The following DDA1 variants were observed in gnomAD, a reference collection of about 807,000 sequenced individuals.
The protein encoded by DDA1 is DET1- and DDB1-associated protein 1.
DDA1 carries 3 observed loss-of-function variants against 18.6 expected under a neutral mutation model. The observed-to-expected ratio is 0.16, with a 90% confidence interval of 0.07 to 0.42. DDA1 has a LOEUF of 0.42. Among genes scored for constraint, DDA1 ranks in the 10% least tolerant of loss-of-function variants. DDA1 has a pLI of 0.99. For missense variants in DDA1, 105 were observed against 138.2 expected, an observed-to-expected ratio of 0.76 and a Z score of 1.20; for synonymous variants, 52 against 54.0, an observed-to-expected ratio of 0.96 and a Z score of 0.17.
chr19:17,322,063 G>A lies in DDA1; in HGVS notation c.*2407G>A, dbSNP rs1469252760. On this transcript the variant is annotated 3_prime_UTR_variant, in exon 5 of 5. Transcript: ENST00000359866. ...TCAGCTTCCAAGGCCAGGGGCCAGA[G>A]TGGGAGCAGGGGGCACTCCCGCCTT... 6.5e-6 allele frequency: 1 copy of A among 152,900 alleles called. No homozygotes were observed. The allele number at this position is 152,900 out of a possible 1,614,324, so 9.5% of individuals were successfully genotyped here.
chr19:17,315,400 A>G (rs1275300007), intron 3 of DDA1, among the ~76,000 whole-genome samples: 31 of 92,330 alleles, frequency 3.4e-4, no homozygotes, highest in East Asian at 2.7e-3. Context: ...CACACTATAT[A>G]TATACATACG....
At chr19:17,315,405 C>T (rs1193399369) in intron 3 of DDA1, among the ~76,000 whole-genome samples, 3 of 70,822 alleles carry the variant, frequency 4.2e-5, no homozygotes, top group Admixed American at 2.5e-4. Context: ...TATATATATA[C>T]ATACGTGTGT....
At chr19:17,311,342 A>T (rs1182770060) in intron 1 of DDA1, among the ~76,000 whole-genome samples, 7 of 151,692 alleles carry the variant, frequency 4.6e-5, no homozygotes. Flanking sequence ...TTTCTAGTAG[A>T]GACAGGTTTT....
intron 4 of DDA1, among the ~76,000 whole-genome samples, chr19:17,317,936 C>T (rs2074221634): frequency 1.3e-5 from 2 of 151,804 alleles, no homozygotes; most frequent in East Asian, 3.9e-4. Context: ...TGCCTCTGCA[C>T]ACGGGATATT....
Position 17,319,980 on chromosome 19 carries a change from C to A in DDA1, c.*324C>A. 1 of 274,554 alleles carries A rather than the reference C, an allele frequency of 3.6e-6. No homozygotes were observed. The highest frequency in any genetic ancestry group is 3.9e-5 in the South Asian group (1 of 25,374). The allele number at this position is 274,554 out of a possible 1,614,324, so 17.0% of individuals were successfully genotyped here. ...TTCCCCGATTCCTGCCCCCAGTTCT[C>A]CAGAGAACCAGAGTGTGTCTGTGAG... On this transcript the variant is annotated 3_prime_UTR_variant, in exon 5 of 5. Transcript: ENST00000359866.
rs576237320 is a variant in DDA1, at chr19:17,309,639, A to G, written c.-16A>G. The G allele has an allele frequency of 6.2e-7, 1 of 1,612,958 alleles. No homozygotes were observed. Among genetic ancestry groups the G allele is most frequent in the South Asian group, 1.1e-5 (1 of 90,980 alleles). On this transcript the variant is annotated 5_prime_UTR_variant, in exon 1 of 5. Coordinates refer to ENST00000359866, the MANE Select transcript of DDA1 (RefSeq NM_024050.6). ...GGCTGAGGCGGCGGCCGAGGCGGCGACGGAGGAAACAGAAGATGGTGAGGA... is the reference window on the plus strand; with the variant it reads ...GGCTGAGGCGGCGGCCGAGGCGGCGGCGGAGGAAACAGAAGATGGTGAGGA...
At chr19:17,310,057 GGGGCTTGGCACCGCGATATGCA>G in intron 1 of DDA1, 1 of 229,864 alleles carries the variant, frequency 4.4e-6, no homozygotes, top group East Asian at 8.2e-5. Context: ...GGCGGGGGAG[GGGGCTTGGCACCGCGATATGCA>G]GGGCTTTGTC....
Position 17,314,399 on chromosome 19 carries a change from C to G in DDA1, c.136+10C>G, listed in dbSNP as rs749652305. 47 of 1,614,108 alleles carry G rather than the reference C, an allele frequency of 2.9e-5. No individual in the cohort carries two copies. Among genetic ancestry groups the G allele is most frequent in the Non-Finnish European group, 3.7e-5 (44 of 1,180,028 alleles). Reference sequence around the variant, plus strand: ...TACCCGTCTGAACAGAGTAAGTGGCCGCTGTCAGTCTGTCCCATTCTGGCT... The same window carrying G: ...TACCCGTCTGAACAGAGTAAGTGGCGGCTGTCAGTCTGTCCCATTCTGGCT... On this transcript the variant is annotated intron_variant, in intron 3 of 4. Transcript: ENST00000359866. This position sits in a 1 kb window ranked among gnomAD's most constrained non-coding sequence, Gnocchi z 4.6.
rs2074234070 is a variant in DDA1, at chr19:17,320,306, T to G, written c.*650T>G. 1 of 152,290 alleles carries G rather than the reference T, an allele frequency of 6.6e-6. No homozygotes were observed. The highest frequency in any genetic ancestry group is 1.5e-5 in the Non-Finnish European group (1 of 68,076). The allele number at this position is 152,290 out of a possible 1,614,324, so 9.4% of individuals were successfully genotyped here. On this transcript the variant is annotated 3_prime_UTR_variant, in exon 5 of 5. Coordinates refer to ENST00000359866, the MANE Select transcript of DDA1 (RefSeq NM_024050.6). ...GTCTTTCCTACTTGACCTCGCGTCT[T>G]TGCTCCACACACCTTGGCTGCAGAG...
intron 1 of DDA1, among the ~76,000 whole-genome samples, chr19:17,309,939 G>T (rs942301805): frequency 1.3e-5 from 2 of 148,164 alleles, no homozygotes; most frequent in Non-Finnish European, 3.0e-5. Flanking sequence ...AAATCGTCTG[G>T]GGTGGGGATG....
chr19:17,323,291 CA>C lies in DDA1; in HGVS notation c.*3638del. The C allele has an allele frequency of 3.0e-6, 1 of 333,916 alleles. No homozygotes were observed. The highest frequency in any genetic ancestry group is 5.4e-6 in the Non-Finnish European group (1 of 186,456). 20.7% of individuals were successfully genotyped at this position (333,916 alleles called of 1,614,324 possible). ...AAAATATGACAAAATAAATTAAAAA[CA>C]AATAAATAATCGCCTGTTCTGTGTG... On this transcript the variant is annotated 3_prime_UTR_variant, in exon 5 of 5. Coordinates refer to ENST00000359866, the MANE Select transcript of DDA1 (RefSeq NM_024050.6).
intron 1 of DDA1, among the ~76,000 whole-genome samples, chr19:17,312,297 G>A (rs1487834838): frequency 1.3e-5 from 2 of 152,272 alleles, no homozygotes; most frequent in African/African-American, 4.8e-5. Flanking sequence ...GGAGGTACCA[G>A]TCCAGCCAGG....
chr19:17,319,880 A>G lies in DDA1; in HGVS notation c.*224A>G, dbSNP rs2074231591. On this transcript the variant is annotated 3_prime_UTR_variant, in exon 5 of 5. Transcript: ENST00000359866. ...GTTGGTTAAAGGGGACATCAGACCC[A>G]GTAGTGTGATGTTGGTAGATGCTTT... The G allele has an allele frequency of 1.9e-6, 1 of 522,892 alleles. No individual in the cohort carries two copies. The highest frequency in any genetic ancestry group is 3.5e-5 in the Admixed American group (1 of 28,200). 32.4% of individuals were successfully genotyped at this position (522,892 alleles called of 1,614,324 possible).
At chr19:17,316,057 G>A in intron 4 of DDA1, 62 bp downstream of exon 4, 1 of 1,566,680 alleles carries the variant, frequency 6.4e-7, no homozygotes, top group Non-Finnish European at 8.8e-7. Context: ...CACCTGGCAG[G>A]GGCTTCTGAG....
intron 4 of DDA1, among the ~76,000 whole-genome samples, chr19:17,318,543 T>C (rs2145677891): frequency 6.6e-6 from 1 of 152,244 alleles, no homozygotes; most frequent in South Asian, 2.1e-4. Flanking sequence ...ATTTTTGTAT[T>C]TTTAGTAGAG....
At position 17,319,757 on chromosome 19, in the gene DDA1, G is replaced by A; in HGVS notation, c.*101G>A. 1.0e-6 allele frequency: 1 copy of A among 986,894 alleles called. No homozygotes were observed. The highest frequency in any genetic ancestry group is 1.5e-6 in the Non-Finnish European group (1 of 656,336). The allele number at this position is 986,894 out of a possible 1,614,324, so 61.1% of individuals were successfully genotyped here. ...ACCCCGCCCGCCCGCCTCCCTGCCGGCCCATCCACACCCTGCGTCCACACC... is the reference window on the plus strand; with the variant it reads ...ACCCCGCCCGCCCGCCTCCCTGCCGACCCATCCACACCCTGCGTCCACACC... On this transcript the variant is annotated 3_prime_UTR_variant, in exon 5 of 5. Coordinates refer to ENST00000359866, the MANE Select transcript of DDA1 (RefSeq NM_024050.6).
chr19:17,314,773 G>A lies in DDA1; in HGVS notation c.136+384G>A, dbSNP rs182020443. The A allele has an allele frequency of 1.2e-4, 33 of 267,892 alleles. No homozygotes were observed. The highest frequency in any genetic ancestry group is 1.4e-3 in the Middle Eastern group (1 of 740). 16.6% of individuals were successfully genotyped at this position (267,892 alleles called of 1,614,324 possible). A position where few individuals can be genotyped will look rare whatever the true frequency, so the allele number is the denominator to read the frequency against. On this transcript the variant is annotated intron_variant, in intron 3 of 4. Coordinates refer to ENST00000359866, the MANE Select transcript of DDA1 (RefSeq NM_024050.6). The surrounding 1 kb of genome is among the most constrained non-coding windows in gnomAD (Gnocchi z 4.6). Reference sequence around the variant, plus strand: ...CCCTCCCTGTCAGATGAGGTCAAGCGAGAACTCTGGTTCTAAGACAAGTGC... The same window carrying A: ...CCCTCCCTGTCAGATGAGGTCAAGCAAGAACTCTGGTTCTAAGACAAGTGC...
chr19:17,316,027 G>C (rs753487549), intron 4 of DDA1, 32 bp downstream of exon 4: 1 of 1,612,188 alleles, frequency 6.2e-7, no homozygotes, highest in Admixed American at 1.7e-5. Context: ...TGCAGGGATT[G>C]TGGGTGGACA....
In DDA1 at chr19:17,314,635, C is replaced by A. The variant is rs991438913; in HGVS notation, c.136+246C>A. 1.2e-4 allele frequency: 65 copies of A among 548,580 alleles called. 1 individual carries two copies. In the Admixed American group the frequency reaches 1.3e-3, roughly 11 times the overall value. 34.0% of individuals were successfully genotyped at this position (548,580 alleles called of 1,614,324 possible). On this transcript the variant is annotated intron_variant, in intron 3 of 4. Transcript: ENST00000359866. This position sits in a 1 kb window ranked among gnomAD's most constrained non-coding sequence, Gnocchi z 4.6. The stretch of plus-strand genomic sequence containing the variant: ...CCTGTCCACTCCCAGCCCCTGGGGA[C>A]AGCCAGAAACCTGGCTTTCCCCAGG...
Sources: allele counts gnomAD v4.1 joint callset (sites outside exome capture counted in the v4.1 genomes callset), GRCh38; gene constraint gnomAD v4.1.1; non-coding constraint Gnocchi (gnomAD v3.1); transcripts MANE v1.5; gene names NCBI Gene and HGNC (gene_info 2026-07-23, HGNC 2026-07-21).